ESD: variants seen among roughly 807,000 people sequenced by gnomAD.
ESD encodes the protein esterase D.
In ESD, 34 loss-of-function variants were observed where a neutral mutation model predicts 38.1. The ratio of observed to expected loss-of-function variants is 0.89; its 90% CI spans 0.68 to 1.19. The LOEUF is 1.19. ESD is among the 50% of genes most tolerant of loss of function. The pLI, the probability that ESD is intolerant of heterozygous loss-of-function variation, is 0.00. For missense variants in ESD, 334 were observed against 327.2 expected, an observed-to-expected ratio of 1.02 and a Z score of -0.16; for synonymous variants, 97 against 107.0, an observed-to-expected ratio of 0.91 and a Z score of 0.58.
At chr13:46,797,380 G>C (rs576116740), upstream of ESD, 1 of 152,400 alleles carries the variant, frequency 6.6e-6, no homozygotes, top group Non-Finnish European at 1.5e-5. Context: ...TAGGACCAAC[G>C]AGGAGGGCGT....
intron 1 of ESD, among the ~76,000 whole-genome samples, chr13:46,794,637 T>C (rs1875515768): frequency 6.6e-6 from 1 of 152,222 alleles, no homozygotes; most frequent in African/African-American, 2.4e-5. Flanking sequence ...ATGTGTTTTT[T>C]TGTTCCCATT....
chr13:46,795,064 C>A (rs61948301), intron 1 of ESD, among the ~76,000 whole-genome samples: 5,470 of 152,308 alleles, frequency 0.036, 133 homozygotes, highest in South Asian at 0.062. Flanking sequence ...CTGCATCTCA[C>A]CTTCAAACCA....
chr13:46,796,917 G>C (rs1417712525), intron 1 of ESD, among the ~76,000 whole-genome samples, 188 bp downstream of exon 1: 1 of 152,246 alleles, frequency 6.6e-6, no homozygotes, highest in Non-Finnish European at 1.5e-5. Flanking sequence ...GAGGCTCCGG[G>C]TCACGGGAAA....
chr13:46,775,433 T>A (rs1271228411), intron 9 of ESD: 2 of 270,042 alleles, frequency 7.4e-6, no homozygotes, highest in African/African-American at 4.5e-5. Flanking sequence ...TTTATATATA[T>A]CCCCTATTAT....
chr13:46,787,630 C>A (rs1875241019), intron 3 of ESD, among the ~76,000 whole-genome samples: 1 of 151,790 alleles, frequency 6.6e-6, no homozygotes, highest in South Asian at 2.1e-4. Context: ...GTAATTCATG[C>A]AACAGTGATC....
At chr13:46,784,817 A>G (rs1202825138) in intron 4 of ESD, among the ~76,000 whole-genome samples, 1 of 151,990 alleles carries the variant, frequency 6.6e-6, no homozygotes, top group Non-Finnish European at 1.5e-5. Context: ...TCACTACTAA[A>G]GTTTCAATTA....
At position 46,784,365 on chromosome 13, in the gene ESD, T is replaced by C; in HGVS notation, c.158-15A>G. On this transcript the variant is annotated splice_polypyrimidine_tract_variant and intron_variant, in intron 4 of 9. Coordinates refer to ENST00000378720, the MANE Select transcript of ESD (RefSeq NM_001984.2). ...GCAAGTTAAACCTGAAGATAAAAAA[T>C]ATTGTTATTGGGCACACATGGACAT... The C allele has an allele frequency of 6.5e-7, 1 of 1,545,254 alleles. No homozygotes were observed.
intron 2 of ESD, among the ~76,000 whole-genome samples, chr13:46,792,580 A>C (rs961846193): frequency 2.0e-5 from 3 of 151,900 alleles, no homozygotes; most frequent in African/African-American, 7.2e-5. Context: ...TGCTGTCCTG[A>C]CTCTCTAGAG....
chr13:46,782,501 G>A (rs1376303522), intron 6 of ESD, among the ~76,000 whole-genome samples, 166 bp downstream of exon 6: 1 of 151,684 alleles, frequency 6.6e-6, no homozygotes, highest in African/African-American at 2.4e-5. Flanking sequence ...TGTACTTAGT[G>A]TTAATTTAAA....
At chr13:46,794,108 G>C (rs909898445) in intron 1 of ESD, among the ~76,000 whole-genome samples, 1 of 151,878 alleles carries the variant, frequency 6.6e-6, no homozygotes, top group Admixed American at 6.6e-5. Flanking sequence ...GGGTGACAGA[G>C]TAGGGTGGAA....
At chr13:46,774,719 A>C (rs1874726708) in intron 9 of ESD, among the ~76,000 whole-genome samples, 1 of 152,220 alleles carries the variant, frequency 6.6e-6, no homozygotes, top group South Asian at 2.1e-4. Context: ...TATATTTTCC[A>C]GACCCAATTA....
intron 4 of ESD, 88 bp from the exon 5 acceptor site, chr13:46,784,438 G>A (rs1341684169): frequency 6.6e-6 from 6 of 905,598 alleles, no homozygotes; most frequent in African/African-American, 1.7e-5. Context: ...AGGGGGAGAC[G>A]GAGACGGACA....
rs181190061 is a variant in ESD at position 46,788,967 on chromosome 13, T to C, written c.69-1858A>G. On this transcript the variant is annotated intron_variant, in intron 3 of 9. Coordinates refer to ENST00000378720, the MANE Select transcript of ESD (RefSeq NM_001984.2). ...TTCTACAGTGATATTAATAAAAATG[T>C]TCTATCTATGTATTGTCCAGTACAA... Among the ~76,000 whole-genome samples the C allele has an allele frequency of 5.9e-5, 9 of 152,232 alleles. No homozygotes were observed. The East Asian group carries it at 1.2e-3, about 20-fold the overall frequency.
Position 46,779,999 on chromosome 13 carries a change from A to G in ESD, c.536T>C (p.Val179Ala), listed in dbSNP as rs1205581920. 2 of 1,602,954 alleles carry G rather than the reference A, an allele frequency of 1.2e-6. No homozygotes were observed. Among genetic ancestry groups the G allele is most frequent in the East Asian group, 2.2e-5 (1 of 44,518 alleles). Residue 179 changes from valine (V) to alanine (A), a missense_variant, in exon 8 of 10, where the codon GTA becomes GCA. Coordinates refer to ENST00000378720, the MANE Select transcript of ESD (RefSeq NM_001984.2). ...VSAFAPICNP[V>A]LCPWGKKAFS... ...GGCTTTTTTGCCCCAGGGACAGAGT[A>G]CAGGGTTGCAAATTGGAGCAAATGC...
chr13:46,787,657 A>G (rs556220898), intron 3 of ESD, among the ~76,000 whole-genome samples: 1 of 152,084 alleles, frequency 6.6e-6, no homozygotes, highest in Non-Finnish European at 1.5e-5. Flanking sequence ...GGGTTTATTT[A>G]AAACATCATA....
chr13:46,775,236 AAAT>A (rs1274191304), intron 9 of ESD: 12 of 152,130 alleles, frequency 7.9e-5, no homozygotes, highest in African/African-American at 2.2e-4. Flanking sequence ...AAATTATATA[AAAT>A]AATAACCAAA....
intron 4 of ESD, among the ~76,000 whole-genome samples, chr13:46,785,327 T>C (rs574657247): frequency 6.6e-6 from 1 of 152,166 alleles, no homozygotes; most frequent in African/African-American, 2.4e-5. Flanking sequence ...GGTTTGTTTA[T>C]ACTTTTTGGC....
At chr13:46,775,518 C>A in intron 9 of ESD, 1 of 387,210 alleles carries the variant, frequency 2.6e-6, no homozygotes. Flanking sequence ...AATGATAAAG[C>A]AGGTGATAAA....
upstream of ESD, chr13:46,797,239 C>T (rs567355156): frequency 5.2e-5 from 8 of 152,432 alleles, no homozygotes; most frequent in Non-Finnish European, 7.3e-5. Context: ...CTTTTAACTC[C>T]GAGAACCCGC....
Sources: gnomAD v4.1 joint callset for allele counts (sites outside exome capture counted in the v4.1 genomes callset) on GRCh38, gnomAD v4.1.1 for gene constraint, MANE v1.5 for transcripts, NCBI Gene and HGNC (gene_info 2026-07-23, HGNC 2026-07-21) for gene names.